SNAP91: variants seen among roughly 807,000 people sequenced by gnomAD.
The protein encoded by SNAP91 is synaptosome associated protein 91, also known as clathrin coat assembly protein AP180.
A neutral mutation model predicts 100.3 loss-of-function variants in SNAP91; 27 were observed. The observed-to-expected ratio is 0.27, with a 90% CI of 0.20 to 0.37. SNAP91 has a LOEUF of 0.37. Ranked by LOEUF, SNAP91 falls within the 10% of genes least tolerant of loss-of-function variation. The pLI is 1.00. For missense variants in SNAP91, 986 were observed against 1,123.7 expected (o/e 0.88, Z 1.75); for synonymous variants, 404 against 398.6 (o/e 1.01, Z -0.16).
At position 83,576,037 on chromosome 6, in the gene SNAP91, AC is replaced by A; in HGVS notation, c.2315del (p.Gly772ValfsTer18). ...ASLVGNLGIS[G>X]TTTKKGDLQW... ...CAAACACTTACTTTTTTGTTGTGGT[AC>A]CAGAAATTCCAAGATCTATAAATGG... is the stretch of plus-strand genomic sequence containing the variant. On this transcript the variant is annotated frameshift_variant, in exon 25 of 30. Transcript: ENST00000369694. LOFTEE classifies it high-confidence loss of function. The A allele has an allele frequency of 7.1e-7, 1 of 1,415,700 alleles. No homozygotes were observed. Among genetic ancestry groups the A allele is most frequent in the Non-Finnish European group, 9.6e-7 (1 of 1,038,170 alleles). The allele number at this position is 1,415,700 out of a possible 1,614,324, so 87.7% of individuals were successfully genotyped here. A position where few individuals can be genotyped will look rare whatever the true frequency, so the allele number is the denominator to read the frequency against.
intron 8 of SNAP91, among the ~76,000 whole-genome samples, chr6:83,633,543 G>A (rs1411326541): frequency 6.6e-6 from 1 of 152,122 alleles, no homozygotes; most frequent in African/African-American, 2.4e-5. Context: ...CCTTGGGCGG[G>A]TCTTGCTGCG....
intron 7 of SNAP91, among the ~76,000 whole-genome samples, chr6:83,652,062 T>G (rs2098230431): frequency 1.3e-5 from 2 of 152,174 alleles, no homozygotes; most frequent in Admixed American, 6.5e-5. Context: ...TTTTTCTCCA[T>G]CTCTCTACTC....
At chr6:83,673,475 T>G (rs1219627776) in intron 2 of SNAP91, among the ~76,000 whole-genome samples, 1 of 152,192 alleles carries the variant, frequency 6.6e-6, no homozygotes, top group East Asian at 1.9e-4. Flanking sequence ...AAATTTCTGT[T>G]GTTTATAAGC....
Position 83,556,224 on chromosome 6 carries a change from C to T in SNAP91, c.2653G>A (p.Ala885Thr). ...GGAGGTTTCTTGGGACTCTGACTGG[C>T]AGGTGTAGGGCTTGGAGAAAGCTAA... The part of the protein sequence containing the change: ...GTQLSPSPTP[A>T]SQSPKKPPAK... The change falls in exon 29 of 30, where the codon GCC becomes ACC. Residue 885 changes from alanine to threonine, a missense_variant. Physicochemically the swap from Ala to Thr is moderately conservative, Grantham distance 58. Coordinates refer to ENST00000369694, the MANE Select transcript of SNAP91 (RefSeq NM_001242792.2). The T allele has an allele frequency of 6.4e-7, 1 of 1,555,918 alleles. No individual in the cohort carries two copies. Among genetic ancestry groups the T allele is most frequent in the Non-Finnish European group, 8.7e-7 (1 of 1,149,838 alleles).
At chr6:83,707,534 T>TGA (rs2129084883) in intron 2 of SNAP91, among the ~76,000 whole-genome samples, 1 of 106,716 alleles carries the variant, frequency 9.4e-6, no homozygotes, top group East Asian at 3.4e-4. Flanking sequence ...TATATACATA[T>TGA]GCGTGTGTGT....
intron 16 of SNAP91, among the ~76,000 whole-genome samples, chr6:83,600,810 G>C (rs2128239995): frequency 6.6e-6 from 1 of 152,306 alleles, no homozygotes; most frequent in East Asian, 1.9e-4. Context: ...TTCCAAACCT[G>C]AATTACTCTT....
chr6:83,604,291 T>A (rs1466863119), intron 14 of SNAP91, among the ~76,000 whole-genome samples: 1 of 150,640 alleles, frequency 6.6e-6, no homozygotes, highest in Non-Finnish European at 1.5e-5. Flanking sequence ...TAGCAATATT[T>A]TCCTTTACCA....
intron 8 of SNAP91, among the ~76,000 whole-genome samples, chr6:83,625,048 G>C (rs2096878733): frequency 6.6e-6 from 1 of 151,838 alleles, no homozygotes; most frequent in South Asian, 2.1e-4. Flanking sequence ...TCCTCCCTTT[G>C]TACCTGCTTT....
intron 29 of SNAP91, 85 bp downstream of exon 29, chr6:83,556,058 G>T (rs1777404003): frequency 3.0e-6 from 2 of 669,816 alleles, no homozygotes; most frequent in Non-Finnish European, 5.2e-6. Flanking sequence ...TATTCAAAAC[G>T]CAGAAATAAT....
chr6:83,628,249 C>G (rs994504098), intron 8 of SNAP91, among the ~76,000 whole-genome samples: 1 of 98,648 alleles, frequency 1.0e-5, no homozygotes, highest in Non-Finnish European at 2.1e-5. Flanking sequence ...ATATATATCA[C>G]AGTTTATTTA....
At chr6:83,559,555 T>C (rs1783933442) in intron 28 of SNAP91, among the ~76,000 whole-genome samples, 1 of 152,206 alleles carries the variant, frequency 6.6e-6, no homozygotes, top group Non-Finnish European at 1.5e-5. Flanking sequence ...GGAAACTATC[T>C]AACCTGGCCA....
At position 83,601,576 on chromosome 6, in the gene SNAP91, T is replaced by C; in HGVS notation, c.1156+9A>G. On this transcript the variant is annotated intron_variant, in intron 15 of 29. Transcript: ENST00000369694. ...CAAAATGGAAGTTTAAAAACAAAGC[T>C]TTACTCACCCTCTCCCAAAAGGTCT... The C allele has an allele frequency of 6.2e-7, 1 of 1,613,450 alleles. No homozygotes were observed. The highest frequency in any genetic ancestry group is 1.1e-5 in the South Asian group (1 of 91,050).
intron 26 of SNAP91, among the ~76,000 whole-genome samples, chr6:83,568,997 G>C (rs1448642791): frequency 6.6e-6 from 1 of 152,110 alleles, no homozygotes; most frequent in Non-Finnish European, 1.5e-5. Context: ...GTTGGAGAAA[G>C]CTGAAATAGT....
At chr6:83,653,173 T>A (rs1394995676) in intron 7 of SNAP91, among the ~76,000 whole-genome samples, 1 of 152,160 alleles carries the variant, frequency 6.6e-6, no homozygotes, top group Non-Finnish European at 1.5e-5. Context: ...TTTCAAATAT[T>A]TTGTCCCTTT....
chr6:83,656,877 G>T lies in SNAP91; in HGVS notation c.547-12C>A, dbSNP rs772833284. The T allele has an allele frequency of 1.5e-6, 2 of 1,368,454 alleles. No individual in the cohort carries two copies. The highest frequency in any genetic ancestry group is 2.9e-5 in the African/African-American group (2 of 68,496). 84.8% of individuals were successfully genotyped at this position (1,368,454 alleles called of 1,614,324 possible). ...TCATTTGGATGCACCTAGAAAAACA[G>T]AAAAATTTAATATTAGCGGCATATC... On this transcript the variant is annotated splice_polypyrimidine_tract_variant and intron_variant, in intron 6 of 29. Transcript: ENST00000369694.
chr6:83,692,526 A>AG (rs397766711), intron 2 of SNAP91, among the ~76,000 whole-genome samples: 5 of 151,324 alleles, frequency 3.3e-5, no homozygotes, highest in Admixed American at 2.0e-4. Context: ...AAAAAAAAAA[A>AG]TTACCTATTT....
intron 2 of SNAP91, among the ~76,000 whole-genome samples, chr6:83,676,299 C>T (rs2098894511): frequency 6.6e-6 from 1 of 151,968 alleles, no homozygotes; most frequent in African/African-American, 2.4e-5. Flanking sequence ...ACGCAGACAA[C>T]TAGACATACA....
chr6:83,663,247 C>T (rs2098598458), intron 3 of SNAP91, among the ~76,000 whole-genome samples: 7 of 152,034 alleles, frequency 4.6e-5, no homozygotes, highest in Admixed American at 4.6e-4. Context: ...ACAATGACCT[C>T]TAGATATTCA....
intron 26 of SNAP91, among the ~76,000 whole-genome samples, chr6:83,564,706 T>A (rs1794147513): frequency 4.0e-5 from 6 of 151,794 alleles, no homozygotes; most frequent in Admixed American, 3.9e-4. Context: ...CAACTGAACC[T>A]CCACATGCAA....
Sources: allele counts gnomAD v4.1 joint callset (sites outside exome capture counted in the v4.1 genomes callset), GRCh38; gene constraint gnomAD v4.1.1; transcripts MANE v1.5; gene names NCBI Gene and HGNC (gene_info 2026-07-23, HGNC 2026-07-21).